The following DNM2 variants were observed in gnomAD, a reference collection of about 807,000 sequenced individuals.
DNM2 encodes dynamin 2, also known as dynamin-2.
Under a neutral mutation model 99.0 loss-of-function variants are expected in DNM2, and 15 were observed. The ratio of observed to expected loss-of-function variants is 0.15; its 90% CI spans 0.10 to 0.23. The LOEUF (loss-of-function observed/expected upper bound fraction) is 0.23, where lower values mean the gene tolerates loss of function less well. Ranked by LOEUF, DNM2 falls within the 10% of genes least tolerant of loss-of-function variation. The probability of loss-of-function intolerance (pLI) is 1.00; values close to 1 mark genes in which losing one functional copy is unlikely to be tolerated. For synonymous variants in DNM2, 525 were observed against 481.2 expected (o/e 1.09, Z -1.19); for missense variants, 742 against 1,189.4 (o/e 0.62, Z 5.53).
intron 1 of DNM2, among the ~76,000 whole-genome samples, chr19:10,758,782 A>G (rs1192806782): frequency 2.0e-5 from 3 of 151,928 alleles, no homozygotes; most frequent in Non-Finnish European, 4.4e-5. Flanking sequence ...CCTGACCTCA[A>G]GTGATCCGCC....
At chr19:10,768,236 G>A (rs866469950) in intron 2 of DNM2, among the ~76,000 whole-genome samples, 4 of 152,088 alleles carry the variant, frequency 2.6e-5, no homozygotes, top group Admixed American at 6.6e-5. Flanking sequence ...GGTAGATCAC[G>A]AGGTCAGGAG....
At chr19:10,734,180 C>A (rs2145726695) in intron 1 of DNM2, among the ~76,000 whole-genome samples, 1 of 150,804 alleles carries the variant, frequency 6.6e-6, no homozygotes, top group Non-Finnish European at 1.5e-5. Flanking sequence ...CATATCAAAA[C>A]CCTGTCTCTA....
chr19:10,778,254 C>T (rs2071223643), intron 5 of DNM2, among the ~76,000 whole-genome samples: 1 of 151,102 alleles, frequency 6.6e-6, no homozygotes, highest in African/African-American at 2.4e-5. Flanking sequence ...AGGCTGGTCT[C>T]GAACTGCTGA....
At chr19:10,758,897 C>T (rs558553929) in intron 1 of DNM2, among the ~76,000 whole-genome samples, 2 of 152,188 alleles carry the variant, frequency 1.3e-5, no homozygotes, top group African/African-American at 2.4e-5. Flanking sequence ...ATTTACATTC[C>T]GCGAAATCGA....
At chr19:10,760,826 G>GTTTTTTTTTTTTTTTTTTT in intron 2 of DNM2, among the ~76,000 whole-genome samples, 1 of 4,956 alleles carries the variant, frequency 2.0e-4, no homozygotes, top group East Asian at 4.5e-3. Context: ...ACACCCAGCT[G>GTTTTTTTTTTTTTTTTTTT]ATTTTTTTTT....
intron 2 of DNM2, among the ~76,000 whole-genome samples, chr19:10,769,818 G>T (rs1599517240): frequency 6.6e-6 from 1 of 152,176 alleles, no homozygotes; most frequent in East Asian, 1.9e-4. Flanking sequence ...TGGGTGGCCA[G>T]TGCCTGTGCT....
In DNM2 at chr19:10,783,045, C is replaced by A. The variant is rs760953625; in HGVS notation, c.774C>A (p.Phe258Leu). 2 of 1,614,002 alleles carry A rather than the reference C, an allele frequency of 1.2e-6. No individual in the cohort carries two copies. The highest frequency in any genetic ancestry group is 1.7e-5 in the Admixed American group (1 of 60,032). The change falls in exon 6 of 21, where the codon TTC becomes TTA. Residue 258 changes from phenylalanine to leucine, a missense_variant. Physicochemically the swap from Phe to Leu is conservative, Grantham distance 22. Around this residue, in one of 7 missense-constraint regions of DNM2, gnomAD observed 192 missense variants for 358.9 expected, o/e 0.54. Coordinates refer to ENST00000389253, the MANE Select transcript of DNM2 (RefSeq NM_001005361.3). ...CAGCACTGGCAGCTGAGAGGAAGTTCTTCCTCTCCCACCCGGCCTACCGGC... is the reference window on the plus strand; with the variant it reads ...CAGCACTGGCAGCTGAGAGGAAGTTATTCCTCTCCCACCCGGCCTACCGGC... ...IRAALAAERK[F>L]FLSHPAYRHM...
rs139400984 is a variant in DNM2 at position 10,721,305 on chromosome 19, C to T, written c.161+2902C>T. Among the ~76,000 whole-genome samples, 557 of 152,210 alleles carry T rather than the reference C, an allele frequency of 3.7e-3. 4 individuals are homozygous for T. The highest frequency in any genetic ancestry group is 0.012 in the African/African-American group (506 of 41,518). ...CCGAGTAGCTGGGATTACAGGCGCGCGTTACCACACCCGGCTAATTTTTGT... is the reference window on the plus strand; with the variant it reads ...CCGAGTAGCTGGGATTACAGGCGCGTGTTACCACACCCGGCTAATTTTTGT... On this transcript the variant is annotated intron_variant, in intron 1 of 20. Transcript: ENST00000389253.
rs569651137 is a variant in DNM2, at chr19:10,800,002, G to A, written c.1422+1430G>A. ...CTCCCAAGTAGCTGGGACTATAGGC[G>A]TGAGCTACCACGCCTGGCTAATTTT... On this transcript the variant is annotated intron_variant, in intron 11 of 20. Transcript: ENST00000389253. Among the ~76,000 whole-genome samples the A allele has an allele frequency of 1.1e-3, 172 of 151,668 alleles. 4 individuals are homozygous for A. In the South Asian group the frequency reaches 0.035, roughly 31 times the overall value.
intron 1 of DNM2, among the ~76,000 whole-genome samples, chr19:10,743,940 C>A (rs535217536): frequency 6.7e-6 from 1 of 149,390 alleles, no homozygotes; most frequent in Non-Finnish European, 1.5e-5. Flanking sequence ...GAGCCAAGAT[C>A]ACGCCATTGC....
intron 1 of DNM2, among the ~76,000 whole-genome samples, chr19:10,735,191 C>T (rs2069478879): frequency 6.6e-6 from 1 of 152,016 alleles, no homozygotes; most frequent in Non-Finnish European, 1.5e-5. Flanking sequence ...TTACAGGCTG[C>T]CACCATGCCC....
Position 10,830,256 on chromosome 19 carries a change from C to G in DNM2, c.2421C>G (p.Pro807=), listed in dbSNP as rs763381711. ...PVGAAASFSA[P]PIPSRPGPQS... ...GGGCAGCAGCCTCCTTCTCGGCGCC[C>G]CCAATCCCATCCCGGCCTGGACCCC... The change falls in exon 20 of 21, where the codon CCC becomes CCG. Residue 807 remains proline, a synonymous_variant. Coordinates refer to ENST00000389253, the MANE Select transcript of DNM2 (RefSeq NM_001005361.3). The surrounding 1 kb of genome is among the most constrained non-coding windows in gnomAD (Gnocchi z 4.8). 3.7e-6 allele frequency: 6 copies of G among 1,613,916 alleles called. No homozygotes were observed. The highest frequency in any genetic ancestry group is 3.3e-5 in the South Asian group (3 of 91,090).
intron 1 of DNM2, among the ~76,000 whole-genome samples, chr19:10,722,898 A>G (rs1187643757): frequency 6.6e-6 from 1 of 151,844 alleles, no homozygotes; most frequent in African/African-American, 2.4e-5. Context: ...ACGTGCTGGC[A>G]TTACAGGTGT....
chr19:10,803,211 A>T (rs2072217349), intron 12 of DNM2, among the ~76,000 whole-genome samples: 1 of 152,186 alleles, frequency 6.6e-6, no homozygotes, highest in South Asian at 2.1e-4. Flanking sequence ...TTGAGGGGTC[A>T]GGCAGGCTTC....
rs111866517 is a variant in DNM2 at position 10,748,698 on chromosome 19, G to A, written c.162-11040G>A. Among the ~76,000 whole-genome samples, 13 of 152,298 alleles carry A rather than the reference G, an allele frequency of 8.5e-5. No homozygotes were observed. In the South Asian group the frequency reaches 1.2e-3, roughly 15 times the overall value. ...CGTGTCCTGGCTCTGCTCCTCCCTC[G>A]CTGAGCGTCCTGGGCAAGTCCTGAG... On this transcript the variant is annotated intron_variant, in intron 1 of 20. Coordinates refer to ENST00000389253, the MANE Select transcript of DNM2 (RefSeq NM_001005361.3).
chr19:10,827,797 A>G (rs2073192155), intron 18 of DNM2, among the ~76,000 whole-genome samples: 1 of 151,854 alleles, frequency 6.6e-6, no homozygotes, highest in Admixed American at 6.6e-5. Flanking sequence ...TGAACCTAGG[A>G]GGTGGAGTTT....
intron 2 of DNM2, among the ~76,000 whole-genome samples, chr19:10,767,579 TG>T (rs1222244347): frequency 6.6e-6 from 1 of 151,788 alleles, no homozygotes; most frequent in Admixed American, 6.6e-5. Flanking sequence ...GTTACAGGCA[TG>T]GGCCACTGCT....
At position 10,825,396 on chromosome 19, in the gene DNM2, C is replaced by T. The variant is rs183550319; in HGVS notation, c.2058+175C>T. Among the ~76,000 whole-genome samples, 352 of 149,566 alleles carry T rather than the reference C, an allele frequency of 2.4e-3. 4 individuals are homozygous for T. Among genetic ancestry groups the T allele is most frequent in the African/African-American group, 8.1e-3 (330 of 40,540 alleles). On this transcript the variant is annotated intron_variant, in intron 18 of 20. Coordinates refer to ENST00000389253, the MANE Select transcript of DNM2 (RefSeq NM_001005361.3). ...CTAAAAATACAAAAATTAGGCTGGG[C>T]GCGGTGGCTCACACCTGTAATCCCA... is the stretch of plus-strand genomic sequence containing the variant.
chr19:10,720,094 G>T (rs758884389), intron 1 of DNM2, among the ~76,000 whole-genome samples: 2 of 150,836 alleles, frequency 1.3e-5, no homozygotes, highest in East Asian at 1.9e-4. Context: ...GGACGGGGGT[G>T]GGGGGTGTTT....
Sources: allele counts gnomAD v4.1 joint callset (sites outside exome capture counted in the v4.1 genomes callset), GRCh38; gene constraint gnomAD v4.1.1; regional missense constraint gnomAD v4.1.1; non-coding constraint Gnocchi (gnomAD v3.1); transcripts MANE v1.5; gene names NCBI Gene and HGNC (gene_info 2026-07-23, HGNC 2026-07-21).